The following LAMP1 variants were observed in gnomAD, a reference collection of about 807,000 sequenced individuals.
LAMP1 encodes the protein lysosome-associated membrane glycoprotein 1.
Under a neutral mutation model 37.5 loss-of-function variants are expected in LAMP1, and 7 were observed. The ratio of observed to expected loss-of-function variants is 0.19; its 90% CI spans 0.11 to 0.35. The LOEUF (loss-of-function observed/expected upper bound fraction) is 0.35. LAMP1 is among the 10% of genes least tolerant of loss of function. The pLI is 1.00. For missense variants in LAMP1, 537 were observed against 552.8 expected, an observed-to-expected ratio of 0.97 and a Z score of 0.29; for synonymous variants, 236 against 229.1, an observed-to-expected ratio of 1.03 and a Z score of -0.27.
chr13:113,321,815 T>C lies in LAMP1; in HGVS notation c.1114+88T>C. 2 of 1,330,364 alleles carry C rather than the reference T, an allele frequency of 1.5e-6. No homozygotes were observed. Among genetic ancestry groups the C allele is most frequent in the Non-Finnish European group, 2.1e-6 (2 of 950,838 alleles). 82.4% of individuals were successfully genotyped at this position (1,330,364 alleles called of 1,614,324 possible). A position where few individuals can be genotyped will look rare whatever the true frequency, so the allele number is the denominator to read the frequency against. On this transcript the variant is annotated intron_variant, in intron 8 of 8. Coordinates refer to ENST00000332556, the MANE Select transcript of LAMP1 (RefSeq NM_005561.4). The surrounding 1 kb of genome is among the most constrained non-coding windows in gnomAD (Gnocchi z 5.6). The stretch of plus-strand genomic sequence containing the variant: ...GACGTTTAGTCGCTTCCGTGTGGGC[T>C]GGGGCGACGCCCCTGTTCCTCTGCA...
At chr13:113,312,252 G>C (rs182049717) in intron 4 of LAMP1, among the ~76,000 whole-genome samples, 4 of 152,132 alleles carry the variant, frequency 2.6e-5, no homozygotes, top group Non-Finnish European at 4.4e-5. Flanking sequence ...ACGGCTTTTC[G>C]ATTTATAAAT....
intron 2 of LAMP1, among the ~76,000 whole-genome samples, chr13:113,307,307 A>G (rs1426712705): frequency 1.3e-5 from 2 of 151,190 alleles, no homozygotes; most frequent in Admixed American, 1.3e-4. Context: ...ACAGGTGCCC[A>G]CCACCACGCC....
At chr13:113,300,354 C>T (rs2042564075) in intron 1 of LAMP1, among the ~76,000 whole-genome samples, 1 of 151,984 alleles carries the variant, frequency 6.6e-6, no homozygotes, top group Non-Finnish European at 1.5e-5. Context: ...GGTGTGGTGG[C>T]AGGCGCCTGT....
At chr13:113,319,778 C>T (rs1029894364) in intron 5 of LAMP1, 122 bp downstream of exon 5, 3 of 940,062 alleles carry the variant, frequency 3.2e-6, no homozygotes, top group Middle Eastern at 3.4e-4. Flanking sequence ...GGGAGCTTAG[C>T]TTGCAGGACG....
chr13:113,318,021 C>T (rs1183299041), intron 4 of LAMP1, among the ~76,000 whole-genome samples: 1 of 152,238 alleles, frequency 6.6e-6, no homozygotes, highest in African/African-American at 2.4e-5. Context: ...ACTGGTCAAC[C>T]TGCAGCTTCG....
At chr13:113,311,335 G>A (rs1184389878) in intron 4 of LAMP1, among the ~76,000 whole-genome samples, 1 of 152,184 alleles carries the variant, frequency 6.6e-6, no homozygotes, top group Non-Finnish European at 1.5e-5. Context: ...AAAAGTAAGT[G>A]TTTGATTTTA....
intron 1 of LAMP1, among the ~76,000 whole-genome samples, chr13:113,298,165 A>G (rs1482286331): frequency 6.6e-6 from 1 of 152,134 alleles, no homozygotes; most frequent in East Asian, 1.9e-4. Context: ...CACGGTGGCA[A>G]TGTTCATGTC....
At chr13:113,304,107 A>G (rs1277524383) in intron 1 of LAMP1, among the ~76,000 whole-genome samples, 1 of 152,220 alleles carries the variant, frequency 6.6e-6, no homozygotes, top group African/African-American at 2.4e-5. Context: ...CATATTTACT[A>G]AGTGAAAAAA....
chr13:113,315,565 T>C (rs2042658733), intron 4 of LAMP1, among the ~76,000 whole-genome samples: 1 of 151,308 alleles, frequency 6.6e-6, no homozygotes, highest in Non-Finnish European at 1.5e-5. Flanking sequence ...AATTTTTATA[T>C]TTTTAGTAGA....
At chr13:113,303,370 G>T (rs2042583479) in intron 1 of LAMP1, among the ~76,000 whole-genome samples, 1 of 152,188 alleles carries the variant, frequency 6.6e-6, no homozygotes, top group Non-Finnish European at 1.5e-5. Flanking sequence ...TGGAGAAGTG[G>T]TCCTGTTCGT....
intron 4 of LAMP1, among the ~76,000 whole-genome samples, chr13:113,316,826 C>T (rs191284839): frequency 5.3e-4 from 79 of 150,338 alleles, no homozygotes; most frequent in Admixed American, 9.3e-4. Flanking sequence ...GCTGAGATGG[C>T]GCCGCTGCAC....
chr13:113,315,686 T>C (rs948796316), intron 4 of LAMP1, among the ~76,000 whole-genome samples: 1 of 151,444 alleles, frequency 6.6e-6, no homozygotes, highest in African/African-American at 2.4e-5. Flanking sequence ...TTTCAATACA[T>C]CATCTTATCT....
At position 113,297,410 on chromosome 13, in the gene LAMP1, G is replaced by GCAC. The variant is rs1008550664; in HGVS notation, c.-23_-21dup. On this transcript the variant is annotated 5_prime_UTR_variant, in exon 1 of 9. Coordinates refer to ENST00000332556, the MANE Select transcript of LAMP1 (RefSeq NM_005561.4). This position sits in a 1 kb window ranked among gnomAD's most constrained non-coding sequence, Gnocchi z 4.4. Reference sequence around the variant, plus strand: ...ACCGCCGCCCGCGCCCCCGCTCCCCGCACCGTACCCGGCCGCCTCGCGCCA... The same window carrying GCAC: ...ACCGCCGCCCGCGCCCCCGCTCCCCGCACCACCGTACCCGGCCGCCTCGCGCCA... 8 of 787,672 alleles carry GCAC rather than the reference G, an allele frequency of 1.0e-5. No homozygotes were observed. The African/African-American group carries it at 1.5e-4, about 15-fold the overall frequency. The allele number at this position is 787,672 out of a possible 1,614,324, so 48.8% of individuals were successfully genotyped here.
In LAMP1 at chr13:113,320,909, A is replaced by G; in HGVS notation, c.876+439A>G. On this transcript the variant is annotated intron_variant, in intron 6 of 8. Coordinates refer to ENST00000332556, the MANE Select transcript of LAMP1 (RefSeq NM_005561.4). This position sits in a 1 kb window ranked among gnomAD's most constrained non-coding sequence, Gnocchi z 4.4. ...TCTTATAATTTTAGCTTTCCAAATC[A>G]TGCTTTCCTGTGCTGTGATAGCTCC... The G allele has an allele frequency of 4.8e-6, 1 of 210,122 alleles. No homozygotes were observed. The highest frequency in any genetic ancestry group is 2.2e-3 in the Middle Eastern group (1 of 462). 13.0% of individuals were successfully genotyped at this position (210,122 alleles called of 1,614,324 possible). A position where few individuals can be genotyped will look rare whatever the true frequency, so the allele number is the denominator to read the frequency against.
chr13:113,308,324 CTTTTT>C (rs71101565), intron 2 of LAMP1, among the ~76,000 whole-genome samples: 16 of 60,428 alleles, frequency 2.6e-4, no homozygotes, highest in Non-Finnish European at 3.9e-4. Flanking sequence ...CCTCCAAGCA[CTTTTT>C]TTTTTTTTTT....
At position 113,307,957 on chromosome 13, in the gene LAMP1, CAAAAAA is replaced by C. The variant is rs56212251; in HGVS notation, c.183+1370_183+1375del. Among the ~76,000 whole-genome samples the C allele has an allele frequency of 4.4e-3, 264 of 59,928 alleles. 2 individuals carry two copies. The highest frequency in any genetic ancestry group is 0.015 in the African/African-American group (252 of 16,878). The allele number at this position is 59,928 out of a possible 152,430, so 39.3% of individuals were successfully genotyped here. ...CTGGGTGACAGAGCGAGACCATCTC[CAAAAAA>C]AAAAAAAAAAAAAAAAAATCCAGTC... On this transcript the variant is annotated intron_variant, in intron 2 of 8. Transcript: ENST00000332556.
At chr13:113,318,895 C>T (rs1244337375) in intron 4 of LAMP1, among the ~76,000 whole-genome samples, 4 of 152,240 alleles carry the variant, frequency 2.6e-5, no homozygotes, top group Non-Finnish European at 4.4e-5. Context: ...TGACCCCTGT[C>T]CTGCCAGAGG....
At chr13:113,301,314 CAA>C (rs1214286439) in intron 1 of LAMP1, among the ~76,000 whole-genome samples, 1 of 151,264 alleles carries the variant, frequency 6.6e-6, no homozygotes, top group Admixed American at 6.6e-5. Context: ...AGTGTCTCTA[CAA>C]AAAAAATTAA....
rs769446555 is a variant in LAMP1 at position 113,297,270 on chromosome 13, C to T, written c.-165C>T. 9.3e-5 allele frequency: 16 copies of T among 171,232 alleles called. No homozygotes were observed. Among genetic ancestry groups the T allele is most frequent in the South Asian group, 1.9e-4 (1 of 5,130 alleles). 10.6% of individuals were successfully genotyped at this position (171,232 alleles called of 1,614,324 possible). On this transcript the variant is annotated 5_prime_UTR_variant, in exon 1 of 9. Transcript: ENST00000332556. The surrounding 1 kb of genome is among the most constrained non-coding windows in gnomAD (Gnocchi z 4.4). ...CAAGCGCTGCCGGCCGCGGTGTCTTCTTCGTGCCGGCGTCGCAGTGGCCGG... is the reference window on the plus strand; with the variant it reads ...CAAGCGCTGCCGGCCGCGGTGTCTTTTTCGTGCCGGCGTCGCAGTGGCCGG...
Sources: allele counts gnomAD v4.1 joint callset (sites outside exome capture counted in the v4.1 genomes callset), GRCh38; gene constraint gnomAD v4.1.1; non-coding constraint Gnocchi (gnomAD v3.1); transcripts MANE v1.5; gene names NCBI Gene and HGNC (gene_info 2026-07-23, HGNC 2026-07-21).